MSI2: variants seen among roughly 807,000 people sequenced by gnomAD.
MSI2 encodes the protein RNA-binding protein Musashi homolog 2.
Under a neutral mutation model 45.6 loss-of-function variants are expected in MSI2, and 17 were observed. The ratio of observed to expected loss-of-function variants is 0.37; its 90% CI spans 0.26 to 0.56. The LOEUF is 0.56. Among genes scored for constraint, MSI2 ranks in the 20% least tolerant of loss-of-function variants. The pLI is 0.77. For missense variants in MSI2, 293 were observed against 444.2 expected, an observed-to-expected ratio of 0.66 and a Z score of 3.06; for synonymous variants, 156 against 158.2, an observed-to-expected ratio of 0.99 and a Z score of 0.11.
chr17:57,286,997 C>A (rs1159456672), intron 5 of MSI2, among the ~76,000 whole-genome samples: 1 of 152,048 alleles, frequency 6.6e-6, no homozygotes, highest in Non-Finnish European at 1.5e-5. Flanking sequence ...CTGGAGGCAA[C>A]TGGCTCGCGC....
Position 57,257,503 on chromosome 17 carries a change from T to C in MSI2, c.141T>C (p.Ile47=). 14 of 1,606,702 alleles carry C rather than the reference T, an allele frequency of 8.7e-6. No homozygotes were observed. The highest frequency in any genetic ancestry group is 1.2e-5 in the Non-Finnish European group (14 of 1,174,066). Reference sequence around the variant, plus strand: ...ACTATTTTAGCAAATTTGGAGAAATTAGAGAATGTATGGTCATGAGAGATC... The same window carrying C: ...ACTATTTTAGCAAATTTGGAGAAATCAGAGAATGTATGGTCATGAGAGATC... The part of the protein sequence containing the change: ...LRDYFSKFGE[I]RECMVMRDPT... Residue 47 remains isoleucine (I), a synonymous_variant, in exon 3 of 14, where the codon ATT becomes ATC. Transcript: ENST00000284073.
At chr17:57,697,920 C>T in the MSI2 span, among the ~76,000 whole-genome samples, 1 of 152,092 alleles carries the variant, frequency 6.6e-6, no homozygotes, top group East Asian at 1.9e-4. Flanking sequence ...ATCACTCGGG[C>T]ACCTGCACCC....
Position 57,622,601 on chromosome 17 carries a change from G to C in MSI2, c.653-4628G>C, listed in dbSNP as rs73992104. 9.1e-3 allele frequency among the ~76,000 whole-genome samples: 1,352 copies of C among 147,846 alleles called. 20 individuals carry two copies. The highest frequency in any genetic ancestry group is 0.035 in the African/African-American group (1,304 of 37,450). ...AGGTGCAGTCGTACTGAGAAGCCCC[G>C]CGTGAAGTCCTGACTCAGTGTTCCC... On this transcript the variant is annotated intron_variant, in intron 9 of 13. Coordinates refer to ENST00000284073, the MANE Select transcript of MSI2 (RefSeq NM_138962.4).
At chr17:57,464,682 C>T (rs927219287) in intron 6 of MSI2, among the ~76,000 whole-genome samples, 2 of 152,178 alleles carry the variant, frequency 1.3e-5, no homozygotes, top group Non-Finnish European at 2.9e-5. Flanking sequence ...TCCCACGCTG[C>T]TGCCCCTTGG....
At chr17:57,591,883 T>G (rs1373972630) in intron 7 of MSI2, among the ~76,000 whole-genome samples, 1 of 151,958 alleles carries the variant, frequency 6.6e-6, no homozygotes, top group Non-Finnish European at 1.5e-5. Context: ...ATTGTGTGAT[T>G]AAAAATGGCT....
chr17:57,380,081 C>T (rs932449685), intron 5 of MSI2, among the ~76,000 whole-genome samples: 1 of 152,084 alleles, frequency 6.6e-6, no homozygotes, highest in East Asian at 1.9e-4. Flanking sequence ...ACAGAGGTGC[C>T]GTGCTAGGGG....
intron 11 of MSI2, among the ~76,000 whole-genome samples, chr17:57,669,542 T>C (rs768021289): frequency 7.9e-5 from 12 of 152,234 alleles, no homozygotes; most frequent in Admixed American, 3.9e-4. Context: ...AAGGCAGATA[T>C]AAGCATGATA....
chr17:57,414,235 G>T (rs1020464733), intron 6 of MSI2, among the ~76,000 whole-genome samples: 3 of 152,176 alleles, frequency 2.0e-5, no homozygotes, highest in African/African-American at 7.2e-5. Flanking sequence ...ACCAAGTGGG[G>T]CTGGGTCTGT....
intron 7 of MSI2, among the ~76,000 whole-genome samples, chr17:57,564,158 T>A (rs1175866872): frequency 6.6e-6 from 1 of 152,210 alleles, no homozygotes; most frequent in Non-Finnish European, 1.5e-5. Context: ...CATGTGTTTG[T>A]GGATTTCTTG....
intron 5 of MSI2, among the ~76,000 whole-genome samples, chr17:57,372,432 C>T (rs949822166): frequency 6.6e-6 from 1 of 152,082 alleles, no homozygotes; most frequent in East Asian, 1.9e-4. Context: ...GTCTTTTTAC[C>T]GCTTGGGTTT....
intron 5 of MSI2, among the ~76,000 whole-genome samples, chr17:57,361,326 T>G (rs746752506): frequency 6.6e-6 from 1 of 151,986 alleles, no homozygotes; most frequent in East Asian, 1.9e-4. Context: ...CATGGCTGAG[T>G]GCAGTAGCTC....
chr17:57,549,299 C>T (rs1254600926), intron 7 of MSI2, among the ~76,000 whole-genome samples: 3 of 150,426 alleles, frequency 2.0e-5, no homozygotes, highest in African/African-American at 7.4e-5. Flanking sequence ...AACAAGCCCA[C>T]CTCCCCACTG....
chr17:57,564,267 A>G (rs1453333748), intron 7 of MSI2, among the ~76,000 whole-genome samples: 1 of 152,242 alleles, frequency 6.6e-6, no homozygotes, highest in Non-Finnish European at 1.5e-5. Flanking sequence ...ACAGCCCAGA[A>G]GGTCGCCTTG....
At chr17:57,311,555 C>CTA (rs1263491019) in intron 5 of MSI2, among the ~76,000 whole-genome samples, 1 of 151,942 alleles carries the variant, frequency 6.6e-6, no homozygotes, top group African/African-American at 2.4e-5. Context: ...ATAGTATTGG[C>CTA]TATATATATA....
At chr17:57,519,324 A>G (rs2086535576) in intron 6 of MSI2, among the ~76,000 whole-genome samples, 1 of 152,162 alleles carries the variant, frequency 6.6e-6, no homozygotes, top group African/African-American at 2.4e-5. Flanking sequence ...AGTGTCTGTT[A>G]TGATGAGCAT....
rs114961468 is a variant in MSI2 at position 57,316,408 on chromosome 17, C to T, written c.312+54216C>T. Among the ~76,000 whole-genome samples the T allele has an allele frequency of 3.5e-3, 524 of 151,254 alleles. 8 individuals are homozygous for T. Among genetic ancestry groups the T allele is most frequent in the African/African-American group, 0.011 (460 of 41,194 alleles). ...AGTGGCATGATCATGGCTCACTGTA[C>T]CCTTGACCTCCCGGGTTCAAGCAAT... On this transcript the variant is annotated intron_variant, in intron 5 of 13. Coordinates refer to ENST00000284073, the MANE Select transcript of MSI2 (RefSeq NM_138962.4).
At chr17:57,491,318 C>A (rs1193948417) in intron 6 of MSI2, among the ~76,000 whole-genome samples, 1 of 152,336 alleles carries the variant, frequency 6.6e-6, no homozygotes, top group African/African-American at 2.4e-5. Context: ...CGAAGGAACT[C>A]TGAGATTCTA....
intron 11 of MSI2, among the ~76,000 whole-genome samples, chr17:57,666,349 T>A (rs13341026): frequency 0.12 from 18,600 of 152,228 alleles, 1,405 homozygotes; most frequent in African/African-American, 0.22. Context: ...TACAAGATGT[T>A]CGGAGCATGA....
chr17:57,501,670 T>G (rs1331355842), intron 6 of MSI2, among the ~76,000 whole-genome samples: 1 of 152,184 alleles, frequency 6.6e-6, no homozygotes, highest in Non-Finnish European at 1.5e-5. Flanking sequence ...GTGTGCTGAT[T>G]CATCTCCCCT....
Sources: allele counts gnomAD v4.1 joint callset (sites outside exome capture counted in the v4.1 genomes callset), GRCh38; gene constraint gnomAD v4.1.1; transcripts MANE v1.5; gene names NCBI Gene and HGNC (gene_info 2026-07-23, HGNC 2026-07-21).